GLMN: variants seen among roughly 807,000 people sequenced by gnomAD.
GLMN encodes glomulin, FKBP associated protein.
A neutral mutation model predicts 87.8 loss-of-function variants in GLMN; 75 were observed. The observed-to-expected ratio is 0.85, with a 90% CI of 0.71 to 1.04. The LOEUF (loss-of-function observed/expected upper bound fraction) is 1.04. Ranked by LOEUF, GLMN falls within the 50% of genes least tolerant of loss-of-function variation. GLMN has a pLI of 0.00. For synonymous variants in GLMN, 206 were observed against 221.6 expected (o/e 0.93, Z 0.63); for missense variants, 588 against 658.8 (o/e 0.89, Z 1.18).
chr1:92,258,514 C>T (rs536510737), intron 16 of GLMN, among the ~76,000 whole-genome samples: 2 of 152,254 alleles, frequency 1.3e-5, no homozygotes, highest in East Asian at 3.9e-4. Flanking sequence ...AAATGCCCAT[C>T]AATGATAGAC....
the GLMN span, among the ~76,000 whole-genome samples, chr1:92,325,530 A>G: frequency 6.6e-6 from 1 of 152,152 alleles, no homozygotes; most frequent in Non-Finnish European, 1.5e-5. Flanking sequence ...GGAAAAAATA[A>G]TCCCTGAAAT....
chr1:92,366,105 C>T, the GLMN span, among the ~76,000 whole-genome samples: 2 of 152,186 alleles, frequency 1.3e-5, no homozygotes, highest in South Asian at 2.1e-4. Context: ...AGCTCTCTAG[C>T]TCCAATTTAG....
intron 15 of GLMN, 26 bp downstream of exon 15, chr1:92,263,597 G>A (rs1248375733): frequency 1.1e-6 from 1 of 942,216 alleles, no homozygotes; most frequent in Non-Finnish European, 1.8e-6. Flanking sequence ...AATTTACTAT[G>A]TGAACTTTGG....
At chr1:92,266,805 A>G (rs1030476348) in intron 11 of GLMN, 64 bp from the exon 12 acceptor site, 6 of 978,798 alleles carry the variant, frequency 6.1e-6, no homozygotes, top group South Asian at 1.4e-5. Context: ...ACAAACAACT[A>G]TAATACATCA....
intron 9 of GLMN, among the ~76,000 whole-genome samples, chr1:92,268,719 C>G (rs1004424713): frequency 3.9e-5 from 6 of 152,162 alleles, no homozygotes; most frequent in African/African-American, 1.2e-4. Flanking sequence ...TGTTACAAAT[C>G]TTCCTTCACC....
chr1:92,317,824 G>T, the GLMN span, among the ~76,000 whole-genome samples: 1 of 152,164 alleles, frequency 6.6e-6, no homozygotes. Context: ...TATAGCAGGA[G>T]ATGTTGCATA....
the GLMN span, among the ~76,000 whole-genome samples, chr1:92,311,363 G>A: frequency 3.9e-5 from 6 of 152,306 alleles, no homozygotes; most frequent in Middle Eastern, 3.4e-3. Context: ...TTAAAATGAT[G>A]AAAATTAAAA....
rs563964049 is a variant in GLMN, at chr1:92,276,481, G to A, written c.736-4829C>T. Among the ~76,000 whole-genome samples the A allele has an allele frequency of 5.9e-5, 9 of 152,182 alleles. No homozygotes were observed. In the South Asian group the frequency reaches 1.7e-3, roughly 28 times the overall value. On this transcript the variant is annotated intron_variant, in intron 7 of 18. Transcript: ENST00000370360. The stretch of plus-strand genomic sequence containing the variant: ...GTTCGAGACCAGCCTGGGTAACATG[G>A]TGAAACCCCATCTCTACCCAAAATA...
chr1:92,345,379 T>TAA, the GLMN span, among the ~76,000 whole-genome samples: 11 of 73,730 alleles, frequency 1.5e-4, no homozygotes, highest in East Asian at 5.5e-4. Flanking sequence ...CCCGTTTCTT[T>TAA]AAAAAAAAAA....
chr1:92,343,455 A>G, the GLMN span, among the ~76,000 whole-genome samples: 6 of 152,334 alleles, frequency 3.9e-5, no homozygotes, highest in South Asian at 1.2e-3. Flanking sequence ...GACTCTAACC[A>G]TTATATACTG....
chr1:92,324,390 C>T, the GLMN span: 3 of 1,574,432 alleles, frequency 1.9e-6, no homozygotes, highest in Admixed American at 5.5e-5. Flanking sequence ...GTCTTACAGA[C>T]ATTGAGTTTT....
At chr1:92,323,905 A>T in the GLMN span, 5 of 1,614,182 alleles carry the variant, frequency 3.1e-6, no homozygotes, top group Non-Finnish European at 4.2e-6. Flanking sequence ...TCTAGTAGGC[A>T]TAAGTAAGAA....
At chr1:92,291,387 T>C (rs746332918) in intron 4 of GLMN, 31 bp downstream of exon 4, 3 of 1,520,160 alleles carry the variant, frequency 2.0e-6, no homozygotes, top group South Asian at 1.1e-5. Context: ...CTGTGTGTTA[T>C]GATAAAGAGA....
At chr1:92,361,850 T>TCTCTC in the GLMN span, among the ~76,000 whole-genome samples, 13 of 151,762 alleles carry the variant, frequency 8.6e-5, no homozygotes, top group South Asian at 2.7e-3. Flanking sequence ...ACGTAACTGT[T>TCTCTC]TTCTGTGGAC....
intron 16 of GLMN, among the ~76,000 whole-genome samples, chr1:92,251,013 A>G (rs752322347): frequency 2.6e-5 from 4 of 152,186 alleles, no homozygotes; most frequent in Non-Finnish European, 5.9e-5. Flanking sequence ...GCAACCAGCA[A>G]TCTGATTTTT....
At chr1:92,303,177 T>C (rs1650982290), upstream of GLMN, among the ~76,000 whole-genome samples, 1 of 152,202 alleles carries the variant, frequency 6.6e-6, no homozygotes, top group Admixed American at 6.5e-5. Flanking sequence ...CTTAGTGTAG[T>C]TGATAGATCT....
At chr1:92,321,539 T>G in the GLMN span, among the ~76,000 whole-genome samples, 1 of 152,114 alleles carries the variant, frequency 6.6e-6, no homozygotes, top group Non-Finnish European at 1.5e-5. Flanking sequence ...ATCCTGATCT[T>G]TTAAAGTTTT....
At chr1:92,275,238 T>C (rs1647199624) in intron 7 of GLMN, among the ~76,000 whole-genome samples, 1 of 152,192 alleles carries the variant, frequency 6.6e-6, no homozygotes, top group African/African-American at 2.4e-5. Flanking sequence ...CTCCTCATTA[T>C]TAAGAGATCA....
At chr1:92,301,709 T>G, upstream of GLMN, 1 of 440,380 alleles carries the variant, frequency 2.3e-6, no homozygotes, top group Non-Finnish European at 4.0e-6. Flanking sequence ...TAGATGCAGA[T>G]AACAATCCAT....
Sources: allele counts gnomAD v4.1 joint callset (sites outside exome capture counted in the v4.1 genomes callset), GRCh38; gene constraint gnomAD v4.1.1; transcripts MANE v1.5; gene names NCBI Gene and HGNC (gene_info 2026-07-23, HGNC 2026-07-21).